OR1F1: variants seen among roughly 807,000 people sequenced by gnomAD.
The protein encoded by OR1F1 is olfactory receptor 1F1.
For missense variants in OR1F1, 493 were observed against 376.3 expected (o/e 1.31, Z -2.57); for synonymous variants, 184 against 156.7 (o/e 1.17, Z -1.30).
At chr16:3,204,484 A>G in exon 1 of OR1F1, 1 of 1,614,048 alleles carries the variant, frequency 6.2e-7, no homozygotes, top group Non-Finnish European at 8.5e-7. Context: ...CACCGTCCCC[A>G]AGATGCTGGC....
the OR1F1 span, among the ~76,000 whole-genome samples, chr16:3,192,242 G>A: frequency 6.6e-6 from 1 of 152,080 alleles, no homozygotes; most frequent in African/African-American, 2.4e-5. Flanking sequence ...ATTTTTAGTA[G>A]AGATGGGGTT....
the OR1F1 span, among the ~76,000 whole-genome samples, chr16:3,194,683 A>G: frequency 6.6e-6 from 1 of 152,144 alleles, no homozygotes; most frequent in Non-Finnish European, 1.5e-5. Flanking sequence ...AAATATGCAG[A>G]TCAAAAGTAA....
At chr16:3,191,918 C>T in the OR1F1 span, among the ~76,000 whole-genome samples, 53 of 152,278 alleles carry the variant, frequency 3.5e-4, no homozygotes, top group African/African-American at 1.2e-3. Context: ...ACTTTGCTTT[C>T]GCAGGCTTGA....
exon 1 of OR1F1, chr16:3,204,333 G>T: frequency 6.2e-7 from 1 of 1,614,056 alleles, no homozygotes; most frequent in Non-Finnish European, 8.5e-7. Flanking sequence ...TCCTCTTTGT[G>T]TTCTTCCTCA....
chr16:3,194,571 C>T, the OR1F1 span, among the ~76,000 whole-genome samples: 3 of 152,152 alleles, frequency 2.0e-5, no homozygotes, highest in East Asian at 1.9e-4. Context: ...AAACAAGCAG[C>T]GACTCTGAGG....
chr16:3,194,970 A>G, the OR1F1 span, among the ~76,000 whole-genome samples: 1 of 152,150 alleles, frequency 6.6e-6, no homozygotes, highest in Non-Finnish European at 1.5e-5. Context: ...TCGAGGGTGG[A>G]GTCTTGGCAT....
At chr16:3,194,720 CT>C in the OR1F1 span, among the ~76,000 whole-genome samples, 5 of 152,250 alleles carry the variant, frequency 3.3e-5, no homozygotes, top group East Asian at 7.7e-4. Context: ...ACAGAGGTCT[CT>C]TTTGGAATTT....
At chr16:3,205,264 T>A, downstream of OR1F1, 1 of 993,716 alleles carries the variant, frequency 1.0e-6, no homozygotes, top group Non-Finnish European at 1.5e-6. Flanking sequence ...GTTGTTTCAT[T>A]AAATGATGTT....
At chr16:3,199,115 CAAAAAAAAAAAAAAAAAAAAAA>C in the OR1F1 span, among the ~76,000 whole-genome samples, 4 of 52,576 alleles carry the variant, frequency 7.6e-5, no homozygotes, top group East Asian at 1.9e-3. Context: ...CCTGTCTCTA[CAAAAAAAAAAAAAAAAAAAAAA>C]AAAAAAAAAA....
chr16:3,196,669 T>C, the OR1F1 span, among the ~76,000 whole-genome samples: 1 of 151,364 alleles, frequency 6.6e-6, no homozygotes, highest in Non-Finnish European at 1.5e-5. Context: ...ATTACAGATG[T>C]AAGCCACCAC....
At position 3,205,010 on chromosome 16, in the gene OR1F1, T is replaced by C. The variant is rs1460749710; in HGVS notation, c.764T>C (p.Ile255Thr). The change falls in exon 1 of 1, where the codon ATC (isoleucine) becomes ACC (threonine). Residue 255 changes from isoleucine (I) to threonine (T), a missense_variant. Transcript: ENST00000304646. Reference sequence around the variant, plus strand: ...GTGGTTCTCCTCTTCTACAGCACCATCATTGCTGTGTATTTTAACCCTCTG... The same window carrying C: ...GTGGTTCTCCTCTTCTACAGCACCACCATTGCTGTGTATTTTAACCCTCTG... 8 of 1,614,096 alleles carry C rather than the reference T, an allele frequency of 5.0e-6. No individual in the cohort carries two copies. Among genetic ancestry groups the C allele is most frequent in the Non-Finnish European group, 6.8e-6 (8 of 1,179,986 alleles).
At chr16:3,204,656 C>T (rs763372475) in exon 1 of OR1F1, 1 of 1,614,144 alleles carries the variant, frequency 6.2e-7, no homozygotes, top group Admixed American at 1.7e-5. Flanking sequence ...GCAAAGATGA[C>T]CCATCAGCTC....
upstream of OR1F1, among the ~76,000 whole-genome samples, chr16:3,202,759 A>G (rs916399644): frequency 6.6e-6 from 1 of 151,772 alleles, no homozygotes; most frequent in South Asian, 2.1e-4. Context: ...AGCCCAGTGC[A>G]TTGATGAGGT....
chr16:3,200,865 T>C (rs1003286938), upstream of OR1F1, among the ~76,000 whole-genome samples: 12 of 152,350 alleles, frequency 7.9e-5, no homozygotes, highest in African/African-American at 2.6e-4. Flanking sequence ...TGACCCACCA[T>C]GCCTGACCAA....
the OR1F1 span, among the ~76,000 whole-genome samples, chr16:3,198,632 G>C: frequency 6.6e-6 from 1 of 152,184 alleles, no homozygotes; most frequent in Admixed American, 6.6e-5. Flanking sequence ...CAGGTGAAAG[G>C]GTAGTGGCGA....
At chr16:3,196,340 CTT>C in the OR1F1 span, among the ~76,000 whole-genome samples, 3 of 152,172 alleles carry the variant, frequency 2.0e-5, no homozygotes, top group Non-Finnish European at 4.4e-5. Context: ...TTTAGCAAGA[CTT>C]AGGAGATGCT....
chr16:3,189,619 A>C, the OR1F1 span: 4 of 152,076 alleles, frequency 2.6e-5, no homozygotes, highest in African/African-American at 9.7e-5. Context: ...GATAACCTTA[A>C]TGCGTAAATC....
downstream of OR1F1, chr16:3,205,304 T>A: frequency 1.4e-6 from 1 of 699,708 alleles, no homozygotes; most frequent in Non-Finnish European, 2.4e-6. Context: ...GTAATTATAC[T>A]AAGTTAAACT....
upstream of OR1F1, among the ~76,000 whole-genome samples, chr16:3,202,438 A>G (rs1355140827): frequency 2.0e-5 from 3 of 152,104 alleles, no homozygotes; most frequent in African/African-American, 7.2e-5. Context: ...CTAGGCTGAT[A>G]TGAGTTGGTT....
Sources: allele counts gnomAD v4.1 joint callset (sites outside exome capture counted in the v4.1 genomes callset), GRCh38; gene constraint gnomAD v4.1.1; transcripts MANE v1.5; gene names NCBI Gene and HGNC (gene_info 2026-07-23, HGNC 2026-07-21).